ROR2: variants seen among roughly 807,000 people sequenced by gnomAD.
ROR2 encodes tyrosine-protein kinase transmembrane receptor ROR2.
In ROR2, 33 loss-of-function variants were observed where a neutral mutation model predicts 74.9. The observed-to-expected ratio is 0.44, with a 90% CI of 0.33 to 0.59. The LOEUF is 0.59. ROR2 is among the 20% of genes least tolerant of loss of function. ROR2 has a pLI of 0.02. For synonymous variants in ROR2, 586 were observed against 558.7 expected, an observed-to-expected ratio of 1.05 and a Z score of -0.69; for missense variants, 1,216 against 1,313.8, an observed-to-expected ratio of 0.93 and a Z score of 1.15.
At chr9:91,890,180 C>A (rs892385830) in intron 1 of ROR2, among the ~76,000 whole-genome samples, 8 of 152,136 alleles carry the variant, frequency 5.3e-5, no homozygotes, top group African/African-American at 1.9e-4. Context: ...AAATCCAGAA[C>A]CAGAGAGCAG....
chr9:91,810,338 A>C lies in ROR2; in HGVS notation c.98-34520T>G, dbSNP rs147610350. Among the ~76,000 whole-genome samples the C allele has an allele frequency of 7.2e-5, 11 of 152,320 alleles. No individual in the cohort carries two copies. In the East Asian group the frequency reaches 2.1e-3, roughly 29 times the overall value. On this transcript the variant is annotated intron_variant, in intron 1 of 8. Coordinates refer to ENST00000375708, the MANE Select transcript of ROR2 (RefSeq NM_004560.4). ...ACTCAGGTGAGAGAGTTCACGTGGC[A>C]AACATGAGAAGCCATCAGCAAATGC... is the stretch of plus-strand genomic sequence containing the variant.
At chr9:91,929,132 C>T (rs745982860) in intron 1 of ROR2, among the ~76,000 whole-genome samples, 15 of 152,192 alleles carry the variant, frequency 9.9e-5, no homozygotes, top group Non-Finnish European at 1.3e-4. Flanking sequence ...CCTCCACACC[C>T]GTATTTCCCC....
intron 1 of ROR2, among the ~76,000 whole-genome samples, chr9:91,870,177 A>C (rs999401295): frequency 6.6e-6 from 1 of 151,740 alleles, no homozygotes; most frequent in Non-Finnish European, 1.5e-5. Flanking sequence ...AATATTTACT[A>C]TCTGATTATT....
At chr9:91,850,644 G>A (rs917521183) in intron 1 of ROR2, among the ~76,000 whole-genome samples, 2 of 152,218 alleles carry the variant, frequency 1.3e-5, no homozygotes, top group African/African-American at 4.8e-5. Flanking sequence ...CTGGCCTGCA[G>A]AACTGTAAGG....
chr9:91,876,492 G>A (rs1324531301), intron 1 of ROR2, among the ~76,000 whole-genome samples: 4 of 152,122 alleles, frequency 2.6e-5, no homozygotes, highest in South Asian at 2.1e-4. Context: ...CACCATCCAC[G>A]CATGCAAACT....
chr9:91,826,092 GC>G (rs1306531047), intron 1 of ROR2, among the ~76,000 whole-genome samples: 6 of 152,156 alleles, frequency 3.9e-5, no homozygotes, highest in Admixed American at 6.5e-5. Context: ...GTAGTTAACA[GC>G]CCAGGCTCCC....
At chr9:91,935,899 G>A (rs930851355) in intron 1 of ROR2, among the ~76,000 whole-genome samples, 1 of 152,246 alleles carries the variant, frequency 6.6e-6, no homozygotes, top group South Asian at 2.1e-4. Context: ...GATGCACAGA[G>A]GTGCCCCATA....
At chr9:91,771,722 T>TC (rs1826233806) in intron 2 of ROR2, among the ~76,000 whole-genome samples, 2 of 150,764 alleles carry the variant, frequency 1.3e-5, no homozygotes, top group African/African-American at 4.9e-5. Context: ...CCTCTCTCTC[T>TC]TCTCTCTCTC....
At chr9:91,848,781 A>C (rs928958229) in intron 1 of ROR2, among the ~76,000 whole-genome samples, 1 of 140,612 alleles carries the variant, frequency 7.1e-6, no homozygotes, top group Non-Finnish European at 1.6e-5. Context: ...AAAAAAAAAA[A>C]AAAAACAGTT....
chr9:91,844,120 G>A (rs1828859087), intron 1 of ROR2, among the ~76,000 whole-genome samples: 1 of 152,228 alleles, frequency 6.6e-6, no homozygotes, highest in African/African-American at 2.4e-5. Flanking sequence ...CCCTGAGCCA[G>A]CAGCATAAAT....
At chr9:91,790,601 G>A (rs1404052180) in intron 1 of ROR2, among the ~76,000 whole-genome samples, 2 of 151,510 alleles carry the variant, frequency 1.3e-5, no homozygotes, top group Non-Finnish European at 2.9e-5. Context: ...GTTGGTTTAT[G>A]TACTTACTAT....
At chr9:91,791,859 C>T (rs1033412676) in intron 1 of ROR2, among the ~76,000 whole-genome samples, 1 of 151,146 alleles carries the variant, frequency 6.6e-6, no homozygotes, top group Non-Finnish European at 1.5e-5. Context: ...ACATTTAATA[C>T]ATAACCTTTA....
intron 1 of ROR2, among the ~76,000 whole-genome samples, chr9:91,941,230 C>T (rs1189298877): frequency 2.0e-5 from 3 of 152,038 alleles, no homozygotes; most frequent in Non-Finnish European, 2.9e-5. Flanking sequence ...ATCTGCTGAC[C>T]TCGTGATCCC....
intron 4 of ROR2, among the ~76,000 whole-genome samples, chr9:91,755,734 T>C (rs1328206116): frequency 1.3e-5 from 2 of 152,210 alleles, no homozygotes; most frequent in African/African-American, 4.8e-5. Flanking sequence ...GTGAATTACG[T>C]CCCTGTTTCC....
At chr9:91,756,460 A>C (rs899270113) in intron 3 of ROR2, among the ~76,000 whole-genome samples, 2 of 152,140 alleles carry the variant, frequency 1.3e-5, no homozygotes, top group Admixed American at 1.3e-4. Flanking sequence ...GGTGGGATGA[A>C]GGGGGACACA....
In ROR2 at chr9:91,944,572, G is replaced by C. The variant is rs1587866374; in HGVS notation, c.97+5295C>G. Reference sequence around the variant, plus strand: ...GTTACATTTCTGTGCACTAACAGTGGGCAATGTGAAAAGGAAATTTAAAAA... The same window carrying C: ...GTTACATTTCTGTGCACTAACAGTGCGCAATGTGAAAAGGAAATTTAAAAA... On this transcript the variant is annotated intron_variant, in intron 1 of 8. Transcript: ENST00000375708. 2.0e-5 allele frequency among the ~76,000 whole-genome samples: 3 copies of C among 152,112 alleles called. No homozygotes were observed. In the South Asian group the frequency reaches 6.2e-4, roughly 32 times the overall value.
At chr9:91,785,050 C>A (rs994529087) in intron 1 of ROR2, among the ~76,000 whole-genome samples, 1 of 152,132 alleles carries the variant, frequency 6.6e-6, no homozygotes, top group South Asian at 2.1e-4. Flanking sequence ...GAAAAGCTAG[C>A]TCCCTTCACT....
At chr9:91,861,643 T>C (rs1369858743) in intron 1 of ROR2, among the ~76,000 whole-genome samples, 2 of 152,174 alleles carry the variant, frequency 1.3e-5, no homozygotes, top group African/African-American at 4.8e-5. Context: ...ACTAAAACTA[T>C]AAAACTGTTA....
At chr9:91,755,060 G>A (rs553946600) in intron 4 of ROR2, among the ~76,000 whole-genome samples, 2 of 152,136 alleles carry the variant, frequency 1.3e-5, no homozygotes, top group Admixed American at 6.5e-5. Context: ...GAGGCTGAAG[G>A]GGGAGGATGG....
Sources: allele counts gnomAD v4.1 joint callset (sites outside exome capture counted in the v4.1 genomes callset), GRCh38; gene constraint gnomAD v4.1.1; transcripts MANE v1.5; gene names NCBI Gene and HGNC (gene_info 2026-07-23, HGNC 2026-07-21).